TMEM245: variants seen among roughly 807,000 people sequenced by gnomAD.
The protein encoded by TMEM245 is transmembrane protein 245, also known as protein CG-2.
In TMEM245, 69 loss-of-function variants were observed where a neutral mutation model predicts 101.2. The ratio of observed to expected loss-of-function variants is 0.68; its 90% CI spans 0.56 to 0.83. The LOEUF is 0.83. Ranked by LOEUF, TMEM245 falls within the 40% of genes least tolerant of loss-of-function variation. The pLI, the probability that TMEM245 is intolerant of heterozygous loss-of-function variation, is 0.00. For missense variants in TMEM245, 1,075 were observed against 1,092.8 expected, an observed-to-expected ratio of 0.98 and a Z score of 0.23; for synonymous variants, 537 against 449.8, an observed-to-expected ratio of 1.19 and a Z score of -2.45.
intron 3 of TMEM245, among the ~76,000 whole-genome samples, chr9:109,097,280 A>C (rs1222111530): frequency 2.0e-5 from 3 of 152,242 alleles, no homozygotes; most frequent in Non-Finnish European, 4.4e-5. Context: ...ATATGAAGAC[A>C]CAAAGGCAAG....
chr9:109,073,486 C>T (rs1829396444), intron 8 of TMEM245, 48 bp from the exon 9 acceptor site: 1 of 1,375,442 alleles, frequency 7.3e-7, no homozygotes, highest in South Asian at 1.2e-5. Flanking sequence ...AAAATAAACC[C>T]AATTTAACAT....
chr9:109,109,086 C>A lies in TMEM245; in HGVS notation c.580-516G>T, dbSNP rs535466139. 1.4e-3 allele frequency among the ~76,000 whole-genome samples: 211 copies of A among 152,240 alleles called. 1 individual carries two copies. Among genetic ancestry groups the A allele is most frequent in the African/African-American group, 4.6e-3 (192 of 41,542 alleles). On this transcript the variant is annotated intron_variant, in intron 1 of 17. Coordinates refer to ENST00000374586, the MANE Select transcript of TMEM245 (RefSeq NM_032012.4). ...AAGAAAGCAGCCAGCTGAAGTGTGA[C>A]CCTGCTGAAATAATCTAGGCAACAA...
intron 17 of TMEM245, among the ~76,000 whole-genome samples, chr9:109,027,361 G>A (rs1200587325): frequency 6.6e-6 from 1 of 152,012 alleles, no homozygotes; most frequent in African/African-American, 2.4e-5. Context: ...CTCTGGAGAA[G>A]GTAAAACAAA....
intron 10 of TMEM245, 142 bp from the exon 11 acceptor site, chr9:109,060,594 C>G: frequency 1.7e-6 from 1 of 574,230 alleles, no homozygotes. Flanking sequence ...TACGTTCTTT[C>G]CTTAAATCTA....
At position 109,033,328 on chromosome 9, in the gene TMEM245, G is replaced by A; in HGVS notation, c.2573C>T (p.Pro858Leu). 6.2e-7 allele frequency: 1 copy of A among 1,611,840 alleles called. No individual in the cohort carries two copies. The highest frequency in any genetic ancestry group is 2.2e-5 in the East Asian group (1 of 44,874). ...TCACCGCTGAGGCTGAGCAGGCCAT[G>A]GGGTCTGGTTTGGCGTGGGAACTGA... Reference protein sequence around the residue: ...TNSVPTPNQTPWPAQPQRTFR... With the variant: ...TNSVPTPNQTLWPAQPQRTFR... The change falls in exon 17 of 18, where the codon CCA becomes CTA. Residue 858 changes from proline to leucine, a missense_variant. By Grantham distance (98) the Pro-to-Leu change is moderately conservative (BLOSUM62 -3). This residue lies in a region of TMEM245 where 267 missense variants were observed against 351.3 expected (regional missense o/e 0.76). Coordinates refer to ENST00000374586, the MANE Select transcript of TMEM245 (RefSeq NM_032012.4).
chr9:109,093,942 G>A (rs1023051685), intron 3 of TMEM245, among the ~76,000 whole-genome samples: 4 of 152,200 alleles, frequency 2.6e-5, no homozygotes, highest in Admixed American at 2.6e-4. Context: ...TGAGCTCCCT[G>A]ATCTGACTGT....
In TMEM245 at chr9:109,050,360, C is replaced by G; in HGVS notation, c.2046G>C (p.Trp682Cys). The stretch of plus-strand genomic sequence containing the variant: ...GAGATAGTGGAGTCAGGCTTATCAC[C>G]CACTTCACTGGCTTGTAGTACTCAT... ...SSDEYYKPVKWVISLTPLSQP... is the reference protein window; with the variant it reads ...SSDEYYKPVKCVISLTPLSQP... Residue 682 changes from tryptophan to cysteine, a missense_variant, in exon 14 of 18, where the codon TGG (tryptophan) becomes TGC (cysteine). Physicochemically the swap from Trp to Cys is radical, Grantham distance 215. Coordinates refer to ENST00000374586, the MANE Select transcript of TMEM245 (RefSeq NM_032012.4). 15 of 1,614,042 alleles carry G rather than the reference C, an allele frequency of 9.3e-6. No homozygotes were observed. The highest frequency in any genetic ancestry group is 1.7e-5 in the Admixed American group (1 of 59,980).
intron 1 of TMEM245, among the ~76,000 whole-genome samples, chr9:109,116,220 G>A (rs1273600194): frequency 2.0e-5 from 3 of 152,170 alleles, no homozygotes; most frequent in Admixed American, 1.3e-4. Context: ...GGTTAAAGTA[G>A]CCTAGAAAGC....
At chr9:109,119,303 C>T in intron 1 of TMEM245, 32 bp downstream of exon 1, 1 of 1,511,272 alleles carries the variant, frequency 6.6e-7, no homozygotes, top group East Asian at 2.6e-5. Context: ...GGACCACGGG[C>T]GGGGGACGGG....
chr9:109,097,982 G>C (rs1830184839), intron 3 of TMEM245, among the ~76,000 whole-genome samples: 1 of 152,142 alleles, frequency 6.6e-6, no homozygotes, highest in Non-Finnish European at 1.5e-5. Flanking sequence ...ATAAATGTTA[G>C]CTATCATCAT....
intron 9 of TMEM245, among the ~76,000 whole-genome samples, chr9:109,070,185 C>A (rs1025238193): frequency 1.3e-5 from 2 of 152,150 alleles, no homozygotes; most frequent in African/African-American, 4.8e-5. Context: ...CCAACCCAGA[C>A]CTCTCATCTG....
chr9:109,021,495 TTTTG>T (rs144725198), intron 17 of TMEM245, among the ~76,000 whole-genome samples: 50,921 of 125,768 alleles, frequency 0.4, 8,761 homozygotes, highest in Admixed American at 0.49. Flanking sequence ...ACAGTTGGTT[TTTTG>T]TTTGTTTGTT....
chr9:109,114,095 A>T (rs973521603), intron 1 of TMEM245, among the ~76,000 whole-genome samples: 1 of 151,670 alleles, frequency 6.6e-6, no homozygotes. Flanking sequence ...AACAAAACAA[A>T]AACACCACAA....
At chr9:109,075,152 A>C (rs1261094829) in intron 8 of TMEM245, among the ~76,000 whole-genome samples, 1 of 152,246 alleles carries the variant, frequency 6.6e-6, no homozygotes, top group Non-Finnish European at 1.5e-5. Flanking sequence ...GAAAGAAGTG[A>C]CTGGATTTGA....
At chr9:109,093,404 T>C in intron 4 of TMEM245, 71 bp downstream of exon 4, 2 of 1,263,434 alleles carry the variant, frequency 1.6e-6, no homozygotes, top group Non-Finnish European at 2.3e-6. Flanking sequence ...GATGCTGGTG[T>C]CCTGAATTTT....
chr9:109,057,535 A>C (rs956295749), intron 11 of TMEM245, among the ~76,000 whole-genome samples: 1 of 152,104 alleles, frequency 6.6e-6, no homozygotes, highest in South Asian at 2.1e-4. Flanking sequence ...GGTGGATCAC[A>C]AGGTCAGGAG....
intron 5 of TMEM245, 54 bp downstream of exon 5, chr9:109,090,868 G>GA (rs202170378): frequency 0.012 from 18,319 of 1,526,372 alleles, 155 homozygotes; most frequent in Non-Finnish European, 0.014. Flanking sequence ...AGTAAAAAAA[G>GA]AAAAAAATCA....
chr9:109,073,614 C>A (rs113321309), intron 8 of TMEM245, among the ~76,000 whole-genome samples, 176 bp from the exon 9 acceptor site: 1 of 152,072 alleles, frequency 6.6e-6, no homozygotes, highest in Non-Finnish European at 1.5e-5. Flanking sequence ...TCTAATGATA[C>A]GCACTACGGG....
At chr9:109,049,534 A>C (rs1204925313) in intron 14 of TMEM245, among the ~76,000 whole-genome samples, 1 of 152,032 alleles carries the variant, frequency 6.6e-6, no homozygotes, top group Non-Finnish European at 1.5e-5. Context: ...TTTTTTAAGA[A>C]ACAGGGTCTT....
Sources: allele counts gnomAD v4.1 joint callset (sites outside exome capture counted in the v4.1 genomes callset), GRCh38; gene constraint gnomAD v4.1.1; regional missense constraint gnomAD v4.1.1; transcripts MANE v1.5; gene names NCBI Gene and HGNC (gene_info 2026-07-23, HGNC 2026-07-21).